Variants in WWOX observed in about 807,000 individuals in gnomAD.
WWOX encodes the protein WW domain containing oxidoreductase.
Under a neutral mutation model 46.2 loss-of-function variants are expected in WWOX, and 69 were observed. That is an observed-to-expected ratio of 1.49 (90% CI 1.23 to 1.82). The LOEUF (loss-of-function observed/expected upper bound fraction) is 1.82, where lower values mean the gene tolerates loss of function less well. Ranked by LOEUF, WWOX falls within the 40% of genes most tolerant of loss-of-function variation. The pLI is 0.00. For synonymous variants in WWOX, 359 were observed against 202.6 expected (o/e 1.77, Z -6.56); for missense variants, 919 against 542.6 (o/e 1.69, Z -6.89).
intron 8 of WWOX, among the ~76,000 whole-genome samples, chr16:79,094,933 G>A (rs192315406): frequency 4.2e-4 from 64 of 152,240 alleles, no homozygotes; most frequent in Non-Finnish European, 7.2e-4. Flanking sequence ...CTTTACTGCT[G>A]AGGGGATTTG....
intron 8 of WWOX, among the ~76,000 whole-genome samples, chr16:78,787,084 G>C (rs1162527914): frequency 6.6e-6 from 1 of 152,132 alleles, no homozygotes; most frequent in Non-Finnish European, 1.5e-5. Flanking sequence ...GGAGGCGGAG[G>C]TTGCAGTGAG....
chr16:78,942,807 C>G (rs973543200), intron 8 of WWOX, among the ~76,000 whole-genome samples: 3 of 152,218 alleles, frequency 2.0e-5, no homozygotes, highest in African/African-American at 7.2e-5. Flanking sequence ...ATGCACTTCT[C>G]TCTGGTTTCC....
intron 8 of WWOX, among the ~76,000 whole-genome samples, chr16:78,784,854 T>C (rs946116047): frequency 9.9e-5 from 15 of 152,140 alleles, no homozygotes; most frequent in African/African-American, 3.6e-4. Context: ...TGAAGGTGTC[T>C]ATGTGTTCTC....
chr16:78,981,931 C>G (rs1348601570), intron 8 of WWOX: 2 of 152,158 alleles, frequency 1.3e-5, no homozygotes, highest in Non-Finnish European at 2.9e-5. Flanking sequence ...GATTTGGATG[C>G]TACAACTGTA....
intron 8 of WWOX, among the ~76,000 whole-genome samples, chr16:78,570,182 CAG>C (rs2044678450): frequency 6.6e-6 from 1 of 152,108 alleles, no homozygotes; most frequent in African/African-American, 2.4e-5. Flanking sequence ...CAAACAAACT[CAG>C]GGGAAACTAG....
At chr16:78,666,004 G>C (rs1030398831) in intron 8 of WWOX, among the ~76,000 whole-genome samples, 3 of 151,788 alleles carry the variant, frequency 2.0e-5, no homozygotes, top group African/African-American at 7.2e-5. Flanking sequence ...AGATGTGGGG[G>C]CCAGGCACAG....
chr16:79,008,843 G>A lies in WWOX; in HGVS notation c.1057-202765G>A, dbSNP rs1041777351. 2.0e-5 allele frequency among the ~76,000 whole-genome samples: 3 copies of A among 152,224 alleles called. No homozygotes were observed. In the South Asian group the frequency reaches 6.2e-4, roughly 32 times the overall value. ...CTGCAGCCGGAGACCAGGGGGCCCCGATCAGGTGGCAGGGCCTTTAATTGG... is the reference window on the plus strand; with the variant it reads ...CTGCAGCCGGAGACCAGGGGGCCCCAATCAGGTGGCAGGGCCTTTAATTGG... On this transcript the variant is annotated intron_variant, in intron 8 of 8. Coordinates refer to ENST00000566780, the MANE Select transcript of WWOX (RefSeq NM_016373.4).
rs150609225 is a variant in WWOX, at chr16:78,479,125, A to AG, written c.1056+46373_1056+46374insG. On this transcript the variant is annotated intron_variant, in intron 8 of 8. Coordinates refer to ENST00000566780, the MANE Select transcript of WWOX (RefSeq NM_016373.4). ...GGAGTATTTGGAAAAGGAAAAAAAA[A>AG]TAAACATACATCTTGGAAAGCAGAG... Among the ~76,000 whole-genome samples the AG allele has an allele frequency of 1.6e-4, 24 of 152,314 alleles. No individual in the cohort carries two copies. The East Asian group carries it at 4.6e-3, about 29-fold the overall frequency.
At chr16:78,860,726 C>T (rs1336773287) in intron 8 of WWOX, among the ~76,000 whole-genome samples, 1 of 152,194 alleles carries the variant, frequency 6.6e-6, no homozygotes, top group Non-Finnish European at 1.5e-5. Context: ...TGCTCTGCTG[C>T]ACTGCAAAAT....
chr16:78,611,077 T>G (rs948944727), intron 8 of WWOX, among the ~76,000 whole-genome samples: 6 of 152,178 alleles, frequency 3.9e-5, no homozygotes, highest in Non-Finnish European at 7.3e-5. Context: ...AACAAGTAAA[T>G]GTATATCCCA....
At chr16:78,985,908 C>T (rs747818078) in intron 8 of WWOX, among the ~76,000 whole-genome samples, 2 of 152,206 alleles carry the variant, frequency 1.3e-5, no homozygotes, top group Non-Finnish European at 1.5e-5. Context: ...CAGCCAGGAT[C>T]CCTCTCATAC....
At chr16:78,604,149 T>C (rs2045689017) in intron 8 of WWOX, among the ~76,000 whole-genome samples, 1 of 152,006 alleles carries the variant, frequency 6.6e-6, no homozygotes, top group African/African-American at 2.4e-5. Flanking sequence ...AAAAAATAAA[T>C]AAATAAATAA....
chr16:78,593,106 A>T (rs2045389627), intron 8 of WWOX, among the ~76,000 whole-genome samples: 1 of 152,080 alleles, frequency 6.6e-6, no homozygotes. Flanking sequence ...AATATTTGGG[A>T]CCCACTGGGA....
chr16:79,046,596 G>C (rs1481374758), intron 8 of WWOX, among the ~76,000 whole-genome samples: 1 of 152,108 alleles, frequency 6.6e-6, no homozygotes, highest in South Asian at 2.1e-4. Flanking sequence ...GTTTCTCCCA[G>C]TTCCTCCCCA....
chr16:79,173,077 A>G (rs1031739212), intron 8 of WWOX, among the ~76,000 whole-genome samples: 3 of 152,180 alleles, frequency 2.0e-5, no homozygotes, highest in Non-Finnish European at 4.4e-5. Flanking sequence ...AAAGACCTCC[A>G]GGATTCTCTG....
At chr16:78,696,467 G>A (rs574331224) in intron 8 of WWOX, among the ~76,000 whole-genome samples, 1 of 151,926 alleles carries the variant, frequency 6.6e-6, no homozygotes, top group Admixed American at 6.6e-5. Flanking sequence ...TACATTTTGA[G>A]TTTCGATTTT....
At chr16:78,636,199 CAT>C (rs1018948030) in intron 8 of WWOX, among the ~76,000 whole-genome samples, 5 of 152,098 alleles carry the variant, frequency 3.3e-5, no homozygotes, top group African/African-American at 1.2e-4. Flanking sequence ...AAGGACTAGA[CAT>C]ATTAGAGACC....
intron 5 of WWOX, among the ~76,000 whole-genome samples, chr16:78,371,755 C>T (rs570609411): frequency 6.6e-6 from 1 of 152,028 alleles, no homozygotes; most frequent in Admixed American, 6.5e-5. Flanking sequence ...GCTATACTAG[C>T]TATTCTGCTT....
At chr16:78,460,363 C>A (rs2083921402) in intron 8 of WWOX, among the ~76,000 whole-genome samples, 1 of 152,178 alleles carries the variant, frequency 6.6e-6, no homozygotes, top group Non-Finnish European at 1.5e-5. Flanking sequence ...ACTGACCTCT[C>A]CTCGGCCTTG....
Sources: gnomAD v4.1 joint callset for allele counts (sites outside exome capture counted in the v4.1 genomes callset) on GRCh38, gnomAD v4.1.1 for gene constraint, MANE v1.5 for transcripts, NCBI Gene and HGNC (gene_info 2026-07-23, HGNC 2026-07-21) for gene names.